RAD51: variants seen among roughly 807,000 people sequenced by gnomAD.
RAD51 encodes the protein DNA repair protein RAD51 homolog 1.
RAD51 carries 14 observed loss-of-function variants against 41.5 expected under a neutral mutation model. The observed-to-expected ratio is 0.34, with a 90% CI of 0.22 to 0.53. The LOEUF is 0.53. Ranked by LOEUF, RAD51 falls within the 20% of genes least tolerant of loss-of-function variation. The pLI, the probability that RAD51 is intolerant of heterozygous loss-of-function variation, is 0.95. For missense variants in RAD51, 234 were observed against 422.0 expected (o/e 0.55, Z 3.90); for synonymous variants, 136 against 148.6 (o/e 0.92, Z 0.62).
intron 7 of RAD51, 21 bp downstream of exon 7, chr15:40,728,845 A>T (rs753675418): frequency 4.5e-6 from 7 of 1,572,364 alleles, no homozygotes; most frequent in Non-Finnish European, 6.1e-6. Flanking sequence ...AGTATAAGAC[A>T]CCAAATATGT....
chr15:40,696,308 C>G (rs1468774311), intron 1 of RAD51, among the ~76,000 whole-genome samples: 3 of 151,906 alleles, frequency 2.0e-5, no homozygotes, highest in Non-Finnish European at 4.4e-5. Flanking sequence ...GGCGTCGTGT[C>G]TCACGTCTGT....
At chr15:40,703,960 G>C (rs975049133) in intron 3 of RAD51, among the ~76,000 whole-genome samples, 2 of 152,048 alleles carry the variant, frequency 1.3e-5, no homozygotes, top group Non-Finnish European at 2.9e-5. Flanking sequence ...TTGGAGTGCA[G>C]TGGTGTGATC....
chr15:40,722,413 C>CG (rs1181872786), intron 6 of RAD51, among the ~76,000 whole-genome samples: 118 of 139,912 alleles, frequency 8.4e-4, no homozygotes, highest in Non-Finnish European at 1.3e-3. Context: ...AACTCTGGCT[C>CG]GGGGAAAAAA....
At position 40,731,311 on chromosome 15, in the gene RAD51, T is replaced by C. The variant is rs1596030446; in HGVS notation, c.*133T>C. 8.2e-7 allele frequency: 1 copy of C among 1,218,600 alleles called. No homozygotes were observed. The highest frequency in any genetic ancestry group is 1.2e-6 in the Non-Finnish European group (1 of 847,594). The allele number at this position is 1,218,600 out of a possible 1,614,324, so 75.5% of individuals were successfully genotyped here. A position where few individuals can be genotyped will look rare whatever the true frequency, so the allele number is the denominator to read the frequency against. On this transcript the variant is annotated 3_prime_UTR_variant, in exon 10 of 10. Coordinates refer to ENST00000267868, the MANE Select transcript of RAD51 (RefSeq NM_002875.5). Reference sequence around the variant, plus strand: ...AAAGCTTCCGGGAAAACAGCTATTATATCAGCTTTTCTGATGGTATAAACA... The same window carrying C: ...AAAGCTTCCGGGAAAACAGCTATTACATCAGCTTTTCTGATGGTATAAACA...
At chr15:40,710,426 C>CG (rs1392361394) in intron 5 of RAD51, among the ~76,000 whole-genome samples, 2 of 137,290 alleles carry the variant, frequency 1.5e-5, no homozygotes, top group Admixed American at 8.1e-5. Context: ...CGCTTGAACC[C>CG]GGGGGGCAGA....
At chr15:40,700,161 C>G (rs1894893308) in intron 2 of RAD51, among the ~76,000 whole-genome samples, 1 of 152,126 alleles carries the variant, frequency 6.6e-6, no homozygotes, top group Non-Finnish European at 1.5e-5. Flanking sequence ...TCTCCCAACC[C>G]CTGAATGCAC....
chr15:40,724,879 AT>A (rs1375603411), intron 6 of RAD51, among the ~76,000 whole-genome samples: 1 of 91,870 alleles, frequency 1.1e-5, no homozygotes, highest in Non-Finnish European at 2.1e-5. Flanking sequence ...ATTTTTTTTA[AT>A]TTTTTTTAAT....
intron 3 of RAD51, among the ~76,000 whole-genome samples, chr15:40,704,509 A>C (rs752299636): frequency 1.4e-5 from 2 of 146,272 alleles, no homozygotes; most frequent in Non-Finnish European, 3.0e-5. Context: ...CTACAGGCGC[A>C]CGCCACCACG....
chr15:40,724,530 G>A (rs1020261787), intron 6 of RAD51, among the ~76,000 whole-genome samples: 2 of 151,778 alleles, frequency 1.3e-5, no homozygotes, highest in Admixed American at 1.3e-4. Flanking sequence ...TTTTAGAGAC[G>A]GGTCTCACTC....
intron 5 of RAD51, among the ~76,000 whole-genome samples, chr15:40,709,580 G>T (rs908173687): frequency 6.6e-6 from 1 of 151,804 alleles, no homozygotes; most frequent in South Asian, 2.1e-4. Flanking sequence ...CACCATGTTG[G>T]CCAGGCTCCT....
At chr15:40,706,369 T>G (rs1895339026) in intron 4 of RAD51, 75 bp downstream of exon 4, 2 of 1,190,354 alleles carry the variant, frequency 1.7e-6, no homozygotes, top group East Asian at 4.7e-5. Context: ...AACTGAAATA[T>G]TTGTGTAGCA....
At chr15:40,695,460 G>A (rs1473690996) in intron 1 of RAD51, 35 bp downstream of exon 1, 1 of 152,272 alleles carries the variant, frequency 6.6e-6, no homozygotes, top group Admixed American at 6.5e-5. Context: ...GCCCTCCAGA[G>A]CCGCGGCTCG....
In RAD51 at chr15:40,724,869, A is replaced by AT. The variant is rs1205823305; in HGVS notation, c.531-3834dup. On this transcript the variant is annotated intron_variant, in intron 6 of 9. Transcript: ENST00000267868. ...AATTTTTTTGTATTTTTTAATTTTA[A>AT]TTTTTTTTAATTTTTTTTAATTTTT... 6.6e-4 allele frequency among the ~76,000 whole-genome samples: 75 copies of AT among 113,324 alleles called. 1 individual carries two copies. The South Asian group carries it at 0.017, about 25-fold the overall frequency. 74.3% of individuals were successfully genotyped at this position (113,324 alleles called of 152,430 possible).
In RAD51 at chr15:40,732,304, T is replaced by C; in HGVS notation, c.*1126T>C. ...AAGTCCCACTTGCAGATGATTGTGC[T>C]TAAAAGCTAATGGAAAAATAAAAGA... On this transcript the variant is annotated 3_prime_UTR_variant, in exon 10 of 10. Coordinates refer to ENST00000267868, the MANE Select transcript of RAD51 (RefSeq NM_002875.5). The C allele has an allele frequency of 5.8e-6, 1 of 172,816 alleles. No homozygotes were observed. Among genetic ancestry groups the C allele is most frequent in the East Asian group, 1.1e-4 (1 of 9,326 alleles). 10.7% of individuals were successfully genotyped at this position (172,816 alleles called of 1,614,324 possible).
At chr15:40,719,629 G>A (rs1055169348) in intron 6 of RAD51, among the ~76,000 whole-genome samples, 10 of 152,120 alleles carry the variant, frequency 6.6e-5, no homozygotes, top group Non-Finnish European at 1.3e-4. Flanking sequence ...TCAGGAGATC[G>A]AAACCATCCT....
At chr15:40,711,976 G>T (rs1385863515) in intron 5 of RAD51, among the ~76,000 whole-genome samples, 2 of 151,776 alleles carry the variant, frequency 1.3e-5, no homozygotes, top group African/African-American at 4.8e-5. Flanking sequence ...GGAGGTGGAG[G>T]CGGGAGAATC....
chr15:40,700,932 C>T, intron 2 of RAD51, 132 bp from the exon 3 acceptor site: 2 of 804,862 alleles, frequency 2.5e-6, no homozygotes, highest in Non-Finnish European at 3.8e-6. Flanking sequence ...TCCCCCCGCC[C>T]CCCCAAGGAT....
At chr15:40,700,217 G>C (rs1894896196) in intron 2 of RAD51, among the ~76,000 whole-genome samples, 1 of 152,166 alleles carries the variant, frequency 6.6e-6, no homozygotes, top group Non-Finnish European at 1.5e-5. Context: ...TCATGGTTTT[G>C]GTGGCTAATG....
At chr15:40,728,605 G>A (rs1029143916) in intron 6 of RAD51, 106 bp from the exon 7 acceptor site, 12 of 915,416 alleles carry the variant, frequency 1.3e-5, no homozygotes, top group African/African-American at 1.3e-4. Flanking sequence ...ACTACTGTCA[G>A]TACCACTTCT....
Sources: allele counts gnomAD v4.1 joint callset (sites outside exome capture counted in the v4.1 genomes callset), GRCh38; gene constraint gnomAD v4.1.1; transcripts MANE v1.5; gene names NCBI Gene and HGNC (gene_info 2026-07-23, HGNC 2026-07-21).